The following CELF2 variants were observed in gnomAD, a reference collection of about 807,000 sequenced individuals.
CELF2 encodes CUG triplet repeat RNA-binding protein 2.
A neutral mutation model predicts 62.6 loss-of-function variants in CELF2; 8 were observed. That is an observed-to-expected ratio of 0.13 (90% confidence interval 0.07 to 0.23). The LOEUF is 0.23. Among genes scored for constraint, CELF2 ranks in the 10% least tolerant of loss-of-function variants. The pLI, the probability that CELF2 is intolerant of heterozygous loss-of-function variation, is 1.00. For synonymous variants in CELF2, 258 were observed against 250.0 expected, an observed-to-expected ratio of 1.03 and a Z score of -0.30; for missense variants, 333 against 671.0, an observed-to-expected ratio of 0.50 and a Z score of 5.56.
the CELF2 span, among the ~76,000 whole-genome samples, chr10:10,485,894 A>C: frequency 2.0e-5 from 3 of 152,168 alleles, no homozygotes; most frequent in Non-Finnish European, 2.9e-5. Context: ...CAATGTGGAG[A>C]AATACAGGAG....
At chr10:11,048,811 G>GT (rs1468786633) in intron 1 of CELF2, among the ~76,000 whole-genome samples, 179 of 152,340 alleles carry the variant, frequency 1.2e-3, no homozygotes, top group African/African-American at 3.9e-3. Flanking sequence ...GAATTAGTTG[G>GT]TTAAAAACTC....
the CELF2 span, among the ~76,000 whole-genome samples, chr10:10,711,798 C>A: frequency 1.3e-5 from 2 of 152,156 alleles, no homozygotes; most frequent in African/African-American, 4.8e-5. Context: ...AGGAGAATCA[C>A]TTGAACCTCG....
At chr10:10,734,030 A>G in the CELF2 span, among the ~76,000 whole-genome samples, 35,361 of 152,214 alleles carry the variant, frequency 0.23, 4,684 homozygotes, top group African/African-American at 0.36. Context: ...TTAAAATAGC[A>G]TACGTATATC....
At position 10,990,007 on chromosome 10, in the gene CELF2, C is replaced by T. The variant is rs1167874838; in HGVS notation, c.89+70008C>T. 6.6e-6 allele frequency among the ~76,000 whole-genome samples: 1 copy of T among 152,062 alleles called. No individual in the cohort carries two copies. The highest frequency in any genetic ancestry group is 1.5e-5 in the Non-Finnish European group (1 of 67,978). The stretch of plus-strand genomic sequence containing the variant: ...GCCACTCTTGTATATGGGGGAATGT[C>T]CATTGCAAATCTGCAAAGCAATTTA... On this transcript the variant is annotated intron_variant, in intron 2 of 13. Coordinates refer to the CELF2 transcript ENST00000636488. The surrounding 1 kb of genome is among the most constrained non-coding windows in gnomAD (Gnocchi z 4.6).
the CELF2 span, among the ~76,000 whole-genome samples, chr10:10,566,533 G>A: frequency 6.7e-6 from 1 of 150,018 alleles, no homozygotes; most frequent in Non-Finnish European, 1.5e-5. Context: ...TCGTCATCTA[G>A]CATTAGGTAT....
intron 1 of CELF2, among the ~76,000 whole-genome samples, chr10:11,070,520 C>G (rs548829384): frequency 4.6e-5 from 7 of 152,126 alleles, no homozygotes; most frequent in African/African-American, 1.7e-4. Context: ...CAGGACTGGG[C>G]CTGGTGAGAA....
intron 9 of CELF2, among the ~76,000 whole-genome samples, chr10:11,303,995 T>C (rs1219163873): frequency 2.0e-5 from 3 of 152,274 alleles, no homozygotes; most frequent in Non-Finnish European, 2.9e-5. Context: ...TGCTCACTGT[T>C]AGCTTTATTC....
chr10:11,268,167 A>T lies in CELF2; in HGVS notation c.618+1490A>T, dbSNP rs1402786375. 6.6e-6 allele frequency among the ~76,000 whole-genome samples: 1 copy of T among 152,184 alleles called. No individual in the cohort carries two copies. Among genetic ancestry groups the T allele is most frequent in the Non-Finnish European group, 1.5e-5 (1 of 68,034 alleles). On this transcript the variant is annotated intron_variant, in intron 6 of 12. Coordinates refer to ENST00000633077, the MANE Select transcript of CELF2 (RefSeq NM_001326342.2). This position sits in a 1 kb window ranked among gnomAD's most constrained non-coding sequence, Gnocchi z 4.7. ...ATTCCTGTGGATTAGCCTGATTTCC[A>T]GCCACATTTTAATCTTCAATTCAGT...
chr10:11,085,761 A>T (rs1459151123), intron 1 of CELF2, among the ~76,000 whole-genome samples: 1 of 152,230 alleles, frequency 6.6e-6, no homozygotes, highest in Non-Finnish European at 1.5e-5. Context: ...TGTCAGAAGC[A>T]GTTTTTATAA....
chr10:10,524,929 T>C, the CELF2 span, among the ~76,000 whole-genome samples: 1 of 152,238 alleles, frequency 6.6e-6, no homozygotes, highest in Non-Finnish European at 1.5e-5. Context: ...CATATATGTT[T>C]CTGATAATAT....
At chr10:11,218,382 T>C (rs1342938777) in intron 3 of CELF2, among the ~76,000 whole-genome samples, 3 of 152,252 alleles carry the variant, frequency 2.0e-5, no homozygotes, top group African/African-American at 7.2e-5. Context: ...TAATTCTACC[T>C]TTGTGTCTTT....
rs988860980 is a variant in CELF2, at chr10:11,159,858, C to G, written c.75-5628C>G. ...GATATTTAAAAATGATTCCTGAGCCCTTTGAAAGAGTGGCTTGTTAGCTAC... is the reference window on the plus strand; with the variant it reads ...GATATTTAAAAATGATTCCTGAGCCGTTTGAAAGAGTGGCTTGTTAGCTAC... On this transcript the variant is annotated intron_variant, in intron 1 of 12. Coordinates refer to ENST00000633077, the MANE Select transcript of CELF2 (RefSeq NM_001326342.2). This position sits in a 1 kb window ranked among gnomAD's most constrained non-coding sequence, Gnocchi z 5.0. Among the ~76,000 whole-genome samples the G allele has an allele frequency of 1.3e-5, 2 of 152,182 alleles. No homozygotes were observed. Among genetic ancestry groups the G allele is most frequent in the African/African-American group, 4.8e-5 (2 of 41,440 alleles).
the CELF2 span, among the ~76,000 whole-genome samples, chr10:10,719,289 C>T: frequency 3.9e-5 from 6 of 152,138 alleles, no homozygotes; most frequent in Non-Finnish European, 7.4e-5. Flanking sequence ...TACAGGGTCT[C>T]ACTCTATGGC....
the CELF2 span, among the ~76,000 whole-genome samples, chr10:10,680,912 A>C: frequency 6.6e-6 from 1 of 152,228 alleles, no homozygotes; most frequent in Admixed American, 6.5e-5. Flanking sequence ...TTTCAATTTC[A>C]TATAAATGCT....
At chr10:11,079,748 C>CG (rs2073381804) in intron 1 of CELF2, among the ~76,000 whole-genome samples, 1 of 132,982 alleles carries the variant, frequency 7.5e-6, no homozygotes, top group African/African-American at 2.9e-5. Context: ...ACAGCCCCCC[C>CG]CCCCTTTTTA....
chr10:11,172,786 TTCTTC>T (rs780533844), intron 2 of CELF2, among the ~76,000 whole-genome samples: 2 of 152,346 alleles, frequency 1.3e-5, no homozygotes, highest in South Asian at 2.1e-4. Flanking sequence ...CCATTTTGTT[TTCTTC>T]TCTTCTGTCT....
At chr10:11,241,657 T>C (rs2073939448) in intron 3 of CELF2, among the ~76,000 whole-genome samples, 1 of 152,234 alleles carries the variant, frequency 6.6e-6, no homozygotes, top group African/African-American at 2.4e-5. Context: ...TTGATGTTCC[T>C]AAGTCACCAT....
At chr10:10,747,509 G>A in the CELF2 span, among the ~76,000 whole-genome samples, 1 of 152,140 alleles carries the variant, frequency 6.6e-6, no homozygotes, top group African/African-American at 2.4e-5. Context: ...TGAACCTGGA[G>A]TGTAAGAAAG....
the CELF2 span, among the ~76,000 whole-genome samples, chr10:10,587,247 C>A: frequency 1.3e-5 from 2 of 152,172 alleles, no homozygotes; most frequent in South Asian, 2.1e-4. Context: ...GGGGATTTAT[C>A]AAAAATTACA....
Sources: allele counts gnomAD v4.1 joint callset (sites outside exome capture counted in the v4.1 genomes callset), GRCh38; gene constraint gnomAD v4.1.1; non-coding constraint Gnocchi (gnomAD v3.1); transcripts MANE v1.5; gene names NCBI Gene and HGNC (gene_info 2026-07-23, HGNC 2026-07-21).